ABLIM2: variants seen among roughly 807,000 people sequenced by gnomAD.
ABLIM2 encodes the protein actin-binding LIM protein 2.
In ABLIM2, 53 loss-of-function variants were observed where a neutral mutation model predicts 97.7. The observed-to-expected ratio is 0.54, with a 90% CI of 0.44 to 0.68. The LOEUF (loss-of-function observed/expected upper bound fraction) is 0.68. Ranked by LOEUF, ABLIM2 falls within the 30% of genes least tolerant of loss-of-function variation. The probability of loss-of-function intolerance (pLI) is 0.00; values close to 1 mark genes in which losing one functional copy is unlikely to be tolerated. For missense variants in ABLIM2, 835 were observed against 867.2 expected (o/e 0.96, Z 0.47); for synonymous variants, 361 against 345.8 (o/e 1.04, Z -0.49).
chr4:8,153,315 C>G lies in ABLIM2; in HGVS notation c.10+5365G>C, dbSNP rs111349208. Reference sequence around the variant, plus strand: ...AGTTCATCAAACTCAAGACTTGATTCTACAAAATATCCTATCTACCCCCAA... The same window carrying G: ...AGTTCATCAAACTCAAGACTTGATTGTACAAAATATCCTATCTACCCCCAA... On this transcript the variant is annotated intron_variant, in intron 1 of 20. Transcript: ENST00000447017. Among the ~76,000 whole-genome samples, 207 of 152,272 alleles carry G rather than the reference C, an allele frequency of 1.4e-3. 1 individual carries two copies. Among genetic ancestry groups the G allele is most frequent in the African/African-American group, 4.7e-3 (195 of 41,554 alleles).
At position 8,085,638 on chromosome 4, in the gene ABLIM2, G is replaced by C. The variant is rs575517153; in HGVS notation, c.454+2531C>G. The stretch of plus-strand genomic sequence containing the variant: ...CCACGCTGCAGCCCTGTCCACTCAC[G>C]CAGGTCTGGGGGTGCCCACGCTGCA... On this transcript the variant is annotated intron_variant, in intron 4 of 20. Transcript: ENST00000447017. This position sits in a 1 kb window ranked among gnomAD's most constrained non-coding sequence, Gnocchi z 6.1. 7.5e-6 allele frequency among the ~76,000 whole-genome samples: 1 copy of C among 133,826 alleles called. No individual in the cohort carries two copies. 87.8% of individuals were successfully genotyped at this position (133,826 alleles called of 152,430 possible).
chr4:8,077,600 G>C (rs544701964), intron 6 of ABLIM2, 28 bp downstream of exon 6: 1 of 1,578,196 alleles, frequency 6.3e-7, no homozygotes, highest in African/African-American at 1.3e-5. Flanking sequence ...AGCTCAGAGC[G>C]GGCAGGGGCC....
chr4:8,142,187 T>C (rs1055451473), intron 1 of ABLIM2, among the ~76,000 whole-genome samples: 2 of 152,176 alleles, frequency 1.3e-5, no homozygotes, highest in Non-Finnish European at 2.9e-5. Context: ...CAGGACACTG[T>C]CCAGGTCTCC....
At chr4:8,103,766 G>A (rs767852012) in intron 2 of ABLIM2, among the ~76,000 whole-genome samples, 2 of 152,218 alleles carry the variant, frequency 1.3e-5, no homozygotes, top group Admixed American at 6.5e-5. Context: ...GGGGGACCCG[G>A]GGCAGTTTCC....
chr4:8,043,250 T>C lies in ABLIM2; in HGVS notation c.900+1914A>G, dbSNP rs1403888890. 6.6e-6 allele frequency among the ~76,000 whole-genome samples: 1 copy of C among 152,234 alleles called. No homozygotes were observed. Among genetic ancestry groups the C allele is most frequent in the Non-Finnish European group, 1.5e-5 (1 of 68,038 alleles). On this transcript the variant is annotated intron_variant, in intron 9 of 20. Transcript: ENST00000447017. This position sits in a 1 kb window ranked among gnomAD's most constrained non-coding sequence, Gnocchi z 4.8. ...AAACTTTGATTAAATACGTCTGTCA[T>C]GCTTTTCTCTTGTGAACTTGTCTCT...
rs1820307592 is a variant in ABLIM2 at position 8,082,145 on chromosome 4, C to T, written c.455-1343G>A. ...GTGTCTGACAAACAGGGCCTTGCCG[C>T]CTGCAGGAGCCCCTGAGTAATTCAC... On this transcript the variant is annotated intron_variant, in intron 4 of 20. Coordinates refer to ENST00000447017, the MANE Select transcript of ABLIM2 (RefSeq NM_001130083.2). The surrounding 1 kb of genome is among the most constrained non-coding windows in gnomAD (Gnocchi z 5.6). 6.6e-6 allele frequency among the ~76,000 whole-genome samples: 1 copy of T among 152,136 alleles called. No homozygotes were observed. Among genetic ancestry groups the T allele is most frequent in the Non-Finnish European group, 1.5e-5 (1 of 68,012 alleles).
At position 8,004,263 on chromosome 4, in the gene ABLIM2, C is replaced by G. The variant is rs1397064564; in HGVS notation, c.1618+3796G>C. 6.6e-6 allele frequency among the ~76,000 whole-genome samples: 1 copy of G among 152,012 alleles called. No homozygotes were observed. The highest frequency in any genetic ancestry group is 1.5e-5 in the Non-Finnish European group (1 of 68,032). On this transcript the variant is annotated intron_variant, in intron 16 of 20. Transcript: ENST00000447017. This position sits in a 1 kb window ranked among gnomAD's most constrained non-coding sequence, Gnocchi z 5.9. ...CCCGGTCCCACAGCGAGAGGACACA[C>G]AGAAAGTGACAGAAAATGCCAAGCC... is the stretch of plus-strand genomic sequence containing the variant.
In ABLIM2 at chr4:8,069,350, G is replaced by A. The variant is rs1347156925; in HGVS notation, c.675+8278C>T. ...ACTAAGTTTGGGAAAGGCTAGGGCA[G>A]AATCCCGCCTGTGGATGTTCACACG... is the stretch of plus-strand genomic sequence containing the variant. On this transcript the variant is annotated intron_variant, in intron 6 of 20. Transcript: ENST00000447017. This position sits in a 1 kb window ranked among gnomAD's most constrained non-coding sequence, Gnocchi z 4.2. 2.0e-5 allele frequency among the ~76,000 whole-genome samples: 3 copies of A among 152,258 alleles called. No individual in the cohort carries two copies. Among genetic ancestry groups the A allele is most frequent in the Non-Finnish European group, 4.4e-5 (3 of 68,042 alleles).
Position 8,022,939 on chromosome 4 carries a change from C to A in ABLIM2, c.1268-2636G>T. Reference sequence around the variant, plus strand: ...TCCTCCACTTTTTCCTCTTCCTCCTCCTCCTCCTCTTCTTTTTCCTCTTCC... The same window carrying A: ...TCCTCCACTTTTTCCTCTTCCTCCTACTCCTCCTCTTCTTTTTCCTCTTCC... On this transcript the variant is annotated intron_variant, in intron 12 of 20. Coordinates refer to ENST00000447017, the MANE Select transcript of ABLIM2 (RefSeq NM_001130083.2). This position sits in a 1 kb window ranked among gnomAD's most constrained non-coding sequence, Gnocchi z 7.8. 1 of 154,732 alleles carries A rather than the reference C, an allele frequency of 6.5e-6. No individual in the cohort carries two copies. Among genetic ancestry groups the A allele is most frequent in the East Asian group, 1.9e-4 (1 of 5,352 alleles). 9.6% of individuals were successfully genotyped at this position (154,732 alleles called of 1,614,324 possible).
At chr4:8,052,993 A>G (rs1797005134) in intron 8 of ABLIM2, among the ~76,000 whole-genome samples, 1 of 152,180 alleles carries the variant, frequency 6.6e-6, no homozygotes, top group African/African-American at 2.4e-5. Flanking sequence ...TGTGGGCCTT[A>G]GGGGTGTCCT....
At position 7,980,941 on chromosome 4, in the gene ABLIM2, A is replaced by ATTTTTTTTTTTTTTTTTTTTT. The variant is rs1167615555; in HGVS notation, c.1824+2322_1824+2323insAAAAAAAAAAAAAAAAAAAAA. Among the ~76,000 whole-genome samples the ATTTTTTTTTTTTTTTTTTTTT allele has an allele frequency of 3.1e-3, 255 of 82,970 alleles. 37 individuals are homozygous for ATTTTTTTTTTTTTTTTTTTTT. The highest frequency in any genetic ancestry group is 0.016 in the Middle Eastern group (2 of 126). The allele number at this position is 82,970 out of a possible 152,430, so 54.4% of individuals were successfully genotyped here. ...AGAACCATGGTCTCCACAACCCCTT[A>ATTTTTTTTTTTTTTTTTTTTT]TTTTTTTTTTTTTTTTTTTTGAGAT... On this transcript the variant is annotated intron_variant, in intron 20 of 20. Coordinates refer to ENST00000447017, the MANE Select transcript of ABLIM2 (RefSeq NM_001130083.2).
In ABLIM2 at chr4:7,983,396, C is replaced by T. The variant is rs757435517; in HGVS notation, c.1744-52G>A. The T allele has an allele frequency of 4.4e-6, 7 of 1,589,944 alleles. No individual in the cohort carries two copies. In the East Asian group the frequency reaches 1.3e-4, roughly 31 times the overall value. On this transcript the variant is annotated intron_variant, in intron 19 of 20. Coordinates refer to ENST00000447017, the MANE Select transcript of ABLIM2 (RefSeq NM_001130083.2). ...ACCTCACGAAGCAAGTGTATGCTGG[C>T]ACCAAAGAACTGAGCAGAAGGTCAC...
intron 6 of ABLIM2, among the ~76,000 whole-genome samples, chr4:8,063,213 A>C (rs533475325): frequency 1.7e-4 from 26 of 152,084 alleles, no homozygotes; most frequent in African/African-American, 5.1e-4. Flanking sequence ...CTGCAGGCAC[A>C]CGCCACCACG....
At chr4:8,097,070 A>T in intron 3 of ABLIM2, 29 bp downstream of exon 3, 1 of 1,578,126 alleles carries the variant, frequency 6.3e-7, no homozygotes, top group Non-Finnish European at 8.6e-7. Flanking sequence ...GAGGCAGGGG[A>T]AGCAGAGGCC....
At chr4:8,053,535 G>A (rs956899254) in intron 8 of ABLIM2, among the ~76,000 whole-genome samples, 8 of 152,190 alleles carry the variant, frequency 5.3e-5, no homozygotes, top group African/African-American at 1.9e-4. Flanking sequence ...CTTGGGGACT[G>A]TTTGGGCCCC....
chr4:8,037,290 ACATGCACACACACACGCACATG>A (rs1216176944), intron 9 of ABLIM2, among the ~76,000 whole-genome samples: 2 of 151,906 alleles, frequency 1.3e-5, no homozygotes, highest in Non-Finnish European at 2.9e-5. Context: ...ACATACGCAC[ACATGCACACACACACGCACATG>A]CATGCGCACA....
At chr4:8,102,925 C>T (rs1172683787) in intron 2 of ABLIM2, among the ~76,000 whole-genome samples, 1 of 152,194 alleles carries the variant, frequency 6.6e-6, no homozygotes, top group Non-Finnish European at 1.5e-5. Context: ...TCTATGGGGA[C>T]TTCAGGAAAG....
At chr4:8,024,444 G>T (rs1776017974) in intron 12 of ABLIM2, among the ~76,000 whole-genome samples, 1 of 152,170 alleles carries the variant, frequency 6.6e-6, no homozygotes, top group Non-Finnish European at 1.5e-5. Flanking sequence ...TCGGGCAGCC[G>T]CCCCCGTACA....
chr4:8,140,689 C>A lies in ABLIM2; in HGVS notation c.10+17991G>T, dbSNP rs117084079. Among the ~76,000 whole-genome samples the A allele has an allele frequency of 1.9e-3, 289 of 152,046 alleles. 7 individuals are homozygous for A. In the East Asian group the frequency reaches 0.048, roughly 25 times the overall value. On this transcript the variant is annotated intron_variant, in intron 1 of 20. Coordinates refer to ENST00000447017, the MANE Select transcript of ABLIM2 (RefSeq NM_001130083.2). This position sits in a 1 kb window ranked among gnomAD's most constrained non-coding sequence, Gnocchi z 5.9. ...AGAGAATACACAAGAGGGCAGTGAC[C>A]CAGGGGAGCTGGGGCCTCCTGAAGG...
Sources: allele counts gnomAD v4.1 joint callset (sites outside exome capture counted in the v4.1 genomes callset), GRCh38; gene constraint gnomAD v4.1.1; non-coding constraint Gnocchi (gnomAD v3.1); transcripts MANE v1.5; gene names NCBI Gene and HGNC (gene_info 2026-07-23, HGNC 2026-07-21).